Variants in AMBN observed in about 807,000 individuals in gnomAD.
AMBN encodes enamel matrix protein.
AMBN carries 54 observed loss-of-function variants against 48.0 expected under a neutral mutation model. The ratio of observed to expected loss-of-function variants is 1.12; its 90% CI spans 0.90 to 1.41. The LOEUF is 1.41. Among genes scored for constraint, AMBN ranks in the 40% most tolerant of loss-of-function variants. The pLI, the probability that AMBN is intolerant of heterozygous loss-of-function variation, is 0.00. For missense variants in AMBN, 571 were observed against 547.3 expected (o/e 1.04, Z -0.43); for synonymous variants, 186 against 190.0 (o/e 0.98, Z 0.17).
rs879503656 is a variant in AMBN at position 70,600,327 on chromosome 4, T to TA, written c.294+693dup. ...CTGTCTCAAAAAAAATTAAGAAATT[T>TA]AAAAAAAAAAAACATCATGAACCCT... On this transcript the variant is annotated intron_variant, in intron 5 of 12. Coordinates refer to ENST00000322937, the MANE Select transcript of AMBN (RefSeq NM_016519.6). Among the ~76,000 whole-genome samples the TA allele has an allele frequency of 9.2e-3, 1,312 of 142,444 alleles. 13 individuals are homozygous for TA. Among genetic ancestry groups the TA allele is most frequent in the African/African-American group, 0.03 (1,158 of 39,084 alleles). The allele number at this position is 142,444 out of a possible 152,430, so 93.4% of individuals were successfully genotyped here. A position where few individuals can be genotyped will look rare whatever the true frequency, so the allele number is the denominator to read the frequency against.
At chr4:70,592,817 T>G (rs1223939577) in intron 1 of AMBN, among the ~76,000 whole-genome samples, 1 of 152,208 alleles carries the variant, frequency 6.6e-6, no homozygotes, top group African/African-American at 2.4e-5. Flanking sequence ...AGAAAAATTT[T>G]GTCATGGTTA....
chr4:70,606,270 A>G lies in AMBN; in HGVS notation c.884A>G (p.Asn295Ser), dbSNP rs766325385. ...CCCGGCTTTGAGGGAATGCCCCACAACCCAGCTATGGGCGGTGACTTCACT... is the reference window on the plus strand; with the variant it reads ...CCCGGCTTTGAGGGAATGCCCCACAGCCCAGCTATGGGCGGTGACTTCACT... ...MRPGFEGMPH[N>S]PAMGGDFTLE... The change falls in exon 13 of 13, where the codon AAC (asparagine) becomes AGC (serine). Residue 295 changes from asparagine to serine, a missense_variant. Physicochemically the swap from Asn to Ser is conservative, Grantham distance 46. Transcript: ENST00000322937. 3.7e-6 allele frequency: 6 copies of G among 1,614,032 alleles called. No individual in the cohort carries two copies. In the East Asian group the frequency reaches 8.9e-5, roughly 24 times the overall value.
chr4:70,593,399 A>G lies in AMBN; in HGVS notation c.84+4A>G, dbSNP rs1194694225. 4 of 1,608,484 alleles carry G rather than the reference A, an allele frequency of 2.5e-6. No individual in the cohort carries two copies. In the African/African-American group the frequency reaches 4.0e-5, roughly 16 times the overall value. On this transcript the variant is annotated splice_donor_region_variant and intron_variant, in intron 2 of 12. Transcript: ENST00000322937. ...GGAAATGAGTTTTGCAGTGCCGGTA[A>G]GTCAGTCTTTAGAGTGTGTCCCAGA...
intron 5 of AMBN, among the ~76,000 whole-genome samples, chr4:70,600,367 A>G (rs940586197): frequency 1.3e-5 from 2 of 152,150 alleles, no homozygotes; most frequent in Non-Finnish European, 1.5e-5. Flanking sequence ...AAGTCAATAA[A>G]TATATCAATC....
Position 70,593,575 on chromosome 4 carries a change from T to C in AMBN, c.84+180T>C, listed in dbSNP as rs544269602. On this transcript the variant is annotated intron_variant, in intron 2 of 12. Coordinates refer to ENST00000322937, the MANE Select transcript of AMBN (RefSeq NM_016519.6). ...TGTCAGTCTTGCAATCCAAAAGCGG[T>C]AAGTGATAGCCGGGTGCGGTGGCTC... Among the ~76,000 whole-genome samples, 5 of 152,224 alleles carry C rather than the reference T, an allele frequency of 3.3e-5. No individual in the cohort carries two copies. The East Asian group carries it at 9.7e-4, about 29-fold the overall frequency.
chr4:70,606,790 T>G lies in AMBN; in HGVS notation c.*60T>G, dbSNP rs1304631219. 3 of 1,526,214 alleles carry G rather than the reference T, an allele frequency of 2.0e-6. No individual in the cohort carries two copies. Among genetic ancestry groups the G allele is most frequent in the African/African-American group, 2.8e-5 (2 of 71,798 alleles). 94.5% of individuals were successfully genotyped at this position (1,526,214 alleles called of 1,614,324 possible). ...AAGCTTCCCAGCTTTGTCCCCACAG[T>G]GTACCTTTTTGCTAAAACACTTATT... On this transcript the variant is annotated 3_prime_UTR_variant, in exon 13 of 13. Coordinates refer to ENST00000322937, the MANE Select transcript of AMBN (RefSeq NM_016519.6).
chr4:70,593,519 C>G, intron 2 of AMBN, 124 bp downstream of exon 2: 1 of 794,744 alleles, frequency 1.3e-6, no homozygotes, highest in East Asian at 2.8e-5. Flanking sequence ...GTGGTTTAGT[C>G]CTATTGAGTC....
At chr4:70,605,820 C>T (rs1394554513) in intron 12 of AMBN, among the ~76,000 whole-genome samples, 2 of 152,146 alleles carry the variant, frequency 1.3e-5, no homozygotes, top group African/African-American at 4.8e-5. Context: ...TGACAAGATT[C>T]TCGCTCAACA....
In AMBN at chr4:70,606,680, G is replaced by A; in HGVS notation, c.1294G>A (p.Ala432Thr). 1 of 1,614,016 alleles carries A rather than the reference G, an allele frequency of 6.2e-7. No homozygotes were observed. ...GCAAACATCCATGCCAGGAAACAAA[G>A]CCCAGGAGCCCGAGATGATGCATGA... ...SLQTSMPGNKAQEPEMMHDAW... is the reference protein window; with the variant it reads ...SLQTSMPGNKTQEPEMMHDAW... Residue 432 changes from alanine to threonine, a missense_variant, in exon 13 of 13, where the codon GCC becomes ACC. Transcript: ENST00000322937.
At position 70,598,352 on chromosome 4, in the gene AMBN, A is replaced by G. The variant is rs1407169165; in HGVS notation, c.136-4A>G. 2 of 1,563,380 alleles carry G rather than the reference A, an allele frequency of 1.3e-6. No homozygotes were observed. Among genetic ancestry groups the G allele is most frequent in the East Asian group, 4.7e-5 (2 of 42,498 alleles). ...AACAGTAACCCACTTTTTTTTCTTGATAGACAATGAGACAGTTGGGAAGTC... is the reference window on the plus strand; with the variant it reads ...AACAGTAACCCACTTTTTTTTCTTGGTAGACAATGAGACAGTTGGGAAGTC... On this transcript the variant is annotated splice_region_variant and splice_polypyrimidine_tract_variant and intron_variant, in intron 3 of 12. Coordinates refer to ENST00000322937, the MANE Select transcript of AMBN (RefSeq NM_016519.6).
In AMBN at chr4:70,599,548, G is replaced by T. The variant is rs759559200; in HGVS notation, c.196G>T (p.Gly66Cys). The T allele has an allele frequency of 3.1e-6, 5 of 1,609,758 alleles. No individual in the cohort carries two copies. The highest frequency in any genetic ancestry group is 4.2e-6 in the Non-Finnish European group (5 of 1,177,558). Reference sequence around the variant, plus strand: ...TCCATGTCTTTAGTATTCTAGATACGGCTTTGGAAAATCATTTAATTCTTT... The same window carrying T: ...TCCATGTCTTTAGTATTCTAGATACTGCTTTGGAAAATCATTTAATTCTTT... ...LNTLSQYSRY[G>C]FGKSFNSLWM... Residue 66 changes from glycine to cysteine, a missense_variant, in exon 5 of 13, where the codon GGC becomes TGC. Coordinates refer to ENST00000322937, the MANE Select transcript of AMBN (RefSeq NM_016519.6).
At chr4:70,601,971 T>C (rs1419265801) in intron 6 of AMBN, 2 of 494,970 alleles carry the variant, frequency 4.0e-6, no homozygotes, top group African/African-American at 1.9e-5. Context: ...TTCCTATCAC[T>C]GGTCTTTTTT....
At chr4:70,594,798 A>G (rs772247798) in intron 2 of AMBN, among the ~76,000 whole-genome samples, 22 of 152,188 alleles carry the variant, frequency 1.4e-4, no homozygotes, top group Non-Finnish European at 2.5e-4. Flanking sequence ...ATAATGATCC[A>G]CACCTGAATC....
At chr4:70,600,990 T>A (rs910274965) in intron 5 of AMBN, among the ~76,000 whole-genome samples, 6 of 152,190 alleles carry the variant, frequency 3.9e-5, no homozygotes, top group African/African-American at 1.4e-4. Context: ...AGGCACTTGT[T>A]AGGAGCTATG....
At chr4:70,603,043 CA>C (rs775941778) in intron 9 of AMBN, 33 bp downstream of exon 9, 18 of 1,575,316 alleles carry the variant, frequency 1.1e-5, no homozygotes, top group Admixed American at 3.9e-5. Context: ...CACTGTCTTG[CA>C]AAAACTGTCT....
chr4:70,600,221 A>G (rs1445134910), intron 5 of AMBN, among the ~76,000 whole-genome samples: 1 of 152,130 alleles, frequency 6.6e-6, no homozygotes, highest in African/African-American at 2.4e-5. Flanking sequence ...AGGCAGGACA[A>G]TAGCTTGAAC....
intron 12 of AMBN, among the ~76,000 whole-genome samples, chr4:70,605,366 AAC>A (rs1173651601): frequency 1.3e-5 from 2 of 152,202 alleles, no homozygotes; most frequent in African/African-American, 4.8e-5. Context: ...GCTTATGAAA[AAC>A]ACACAATAAA....
At chr4:70,593,218 C>A in intron 1 of AMBN, 109 bp from the exon 2 acceptor site, 1 of 769,074 alleles carries the variant, frequency 1.3e-6, no homozygotes, top group South Asian at 1.9e-5. Context: ...ACCTTTATCC[C>A]GGTGGTTTTT....
rs762271725 is a variant in AMBN at position 70,601,665 on chromosome 4, T to C, written c.531+11T>C. On this transcript the variant is annotated intron_variant, in intron 6 of 12. Transcript: ENST00000322937. ...CCACCAAAGCCTGAGGTACTTCCTT[T>C]CTCTTGAAGTCAGATCAGAATCACC... The C allele has an allele frequency of 6.2e-7, 1 of 1,610,886 alleles. No individual in the cohort carries two copies. The highest frequency in any genetic ancestry group is 8.5e-7 in the Non-Finnish European group (1 of 1,177,662).
Sources: gnomAD v4.1 joint callset for allele counts (sites outside exome capture counted in the v4.1 genomes callset) on GRCh38, gnomAD v4.1.1 for gene constraint, MANE v1.5 for transcripts, NCBI Gene and HGNC (gene_info 2026-07-23, HGNC 2026-07-21) for gene names.